MDN1: variants seen among roughly 807,000 people sequenced by gnomAD.
MDN1 encodes midasin.
MDN1 carries 266 observed loss-of-function variants against 669.2 expected under a neutral mutation model. The ratio of observed to expected loss-of-function variants is 0.40; its 90% CI spans 0.36 to 0.44. The LOEUF is 0.44. Among genes scored for constraint, MDN1 ranks in the 20% least tolerant of loss-of-function variants. The pLI is 1.00. For synonymous variants in MDN1, 2,385 were observed against 2,457.1 expected (o/e 0.97, Z 0.87); for missense variants, 5,940 against 6,754.0 (o/e 0.88, Z 4.22).
intron 2 of MDN1, among the ~76,000 whole-genome samples, chr6:89,803,032 C>T (rs1430442361): frequency 1.3e-5 from 2 of 152,106 alleles, no homozygotes; most frequent in Non-Finnish European, 2.9e-5. Context: ...TCATTTACTC[C>T]GCTGTATATG....
chr6:89,758,765 G>C, intron 18 of MDN1, 51 bp downstream of exon 18: 1 of 1,592,974 alleles, frequency 6.3e-7, no homozygotes, highest in Non-Finnish European at 8.6e-7. Flanking sequence ...TCACTCTAAA[G>C]TGGCCACAGG....
Position 89,674,047 on chromosome 6 carries a change from A to G in MDN1, c.13247+57T>C, listed in dbSNP as rs1250426990. On this transcript the variant is annotated intron_variant, in intron 79 of 101. Transcript: ENST00000369393. ...CCTTCCCTTCCCACCCCCAATTTAGATAAGCACAATAAGGACCTAAGCACA... is the reference window on the plus strand; with the variant it reads ...CCTTCCCTTCCCACCCCCAATTTAGGTAAGCACAATAAGGACCTAAGCACA... 4 of 1,551,800 alleles carry G rather than the reference A, an allele frequency of 2.6e-6. No individual in the cohort carries two copies. The African/African-American group carries it at 5.5e-5, about 21-fold the overall frequency.
chr6:89,761,571 A>G, intron 17 of MDN1, 74 bp downstream of exon 17: 1 of 1,125,402 alleles, frequency 8.9e-7, no homozygotes, highest in African/African-American at 1.6e-5. Flanking sequence ...ACAATACAAA[A>G]TAGTAACCTG....
rs761527770 is a variant in MDN1, at chr6:89,655,973, G to A, written c.15286-5C>T. The A allele has an allele frequency of 6.2e-7, 1 of 1,611,254 alleles. No homozygotes were observed. Among genetic ancestry groups the A allele is most frequent in the Admixed American group, 1.7e-5 (1 of 59,858 alleles). On this transcript the variant is annotated splice_polypyrimidine_tract_variant and splice_region_variant and intron_variant, in intron 91 of 101. Transcript: ENST00000369393. ...CCCAGGTTTCCTCTTAAAACTCTGA[G>A]AAATACAAGGAAATTCATCAGAGCC...
intron 78 of MDN1, 176 bp downstream of exon 78, chr6:89,675,288 A>G (rs1029635009): frequency 1.7e-6 from 1 of 590,634 alleles, no homozygotes; most frequent in Non-Finnish European, 3.0e-6. Context: ...CACTAGAGGC[A>G]TATCACTGAA....
Position 89,723,607 on chromosome 6 carries a change from G to T in MDN1, c.5683C>A (p.Pro1895Thr), listed in dbSNP as rs930161050. The change falls in exon 39 of 102, where the codon CCC becomes ACC. Residue 1895 changes from proline (P) to threonine (T), a missense_variant. By Grantham distance (38) the Pro-to-Thr change is conservative. Around this residue, in one of 5 missense-constraint regions of MDN1, gnomAD observed 2,292 missense variants for 2,638.3 expected, o/e 0.87. Transcript: ENST00000369393. ...LNRFTQVFVD[P>T]LTVIDMEFIA... ...AACTCCATGTCAATTACTGTAAGGG[G>T]ATCAACGAAGACCTAGAAATCCAAA... is the stretch of plus-strand genomic sequence containing the variant. 1.9e-6 allele frequency: 3 copies of T among 1,559,248 alleles called. No individual in the cohort carries two copies. Among genetic ancestry groups the T allele is most frequent in the Non-Finnish European group, 2.6e-6 (3 of 1,149,924 alleles).
intron 99 of MDN1, among the ~76,000 whole-genome samples, chr6:89,646,926 C>T (rs1012587598): frequency 6.6e-6 from 1 of 152,160 alleles, no homozygotes; most frequent in African/African-American, 2.4e-5. Flanking sequence ...ACTAGCACTA[C>T]AGGTATGTGC....
chr6:89,794,912 T>C, intron 2 of MDN1, 111 bp from the exon 3 acceptor site: 1 of 867,562 alleles, frequency 1.2e-6, no homozygotes, highest in Non-Finnish European at 1.8e-6. Flanking sequence ...CTTAAGCTAT[T>C]TTCAAAAAGG....
chr6:89,750,621 G>A, intron 23 of MDN1, 89 bp from the exon 24 acceptor site: 1 of 1,307,980 alleles, frequency 7.6e-7, no homozygotes, highest in South Asian at 1.4e-5. Flanking sequence ...TGTTTTGTTT[G>A]ACAAAGGGTT....
intron 83 of MDN1, among the ~76,000 whole-genome samples, chr6:89,669,255 C>T (rs186339542): frequency 9.2e-5 from 14 of 152,300 alleles, no homozygotes; most frequent in East Asian, 7.7e-4. Flanking sequence ...TCAAGGCACC[C>T]GAACCACACA....
In MDN1 at chr6:89,658,901, C is replaced by A. The variant is rs765650000; in HGVS notation, c.14730G>T (p.Glu4910Asp). 6.2e-6 allele frequency: 10 copies of A among 1,611,926 alleles called. No individual in the cohort carries two copies. The East Asian group carries it at 2.0e-4, about 32-fold the overall frequency. ...CTGCTTCTTCTGGTTTTTCTTTTAT[C>A]TCCAAAGGATTCTCTTCTGTATAGA... ...NEEGEEENPL[E>D]IKEKPEEAGH... Residue 4910 changes from glutamate to aspartate, a missense_variant, in exon 89 of 102, where the codon GAG becomes GAT. Glu to Asp is a conservative substitution (Grantham distance 45). This residue lies in a region of MDN1 where 2,280 missense variants were observed against 2,576.3 expected (regional missense o/e 0.88). Coordinates refer to ENST00000369393, the MANE Select transcript of MDN1 (RefSeq NM_014611.3).
In MDN1 at chr6:89,696,450, A is replaced by G; in HGVS notation, c.9293T>C (p.Leu3098Pro). The G allele has an allele frequency of 6.2e-7, 1 of 1,614,036 alleles. No individual in the cohort carries two copies. Among genetic ancestry groups the G allele is most frequent in the Non-Finnish European group, 8.5e-7 (1 of 1,179,924 alleles). ...CTGAGTTCTCTCAACCCACTCTCCT[A>G]GGGTCACGTGAGAGGAGGAAAGAAT... Reference protein sequence around the residue: ...LPILSSSHVTLGEWVERTQQL... With the variant: ...LPILSSSHVTPGEWVERTQQL... The change falls in exon 60 of 102, where the codon CTA becomes CCA. Residue 3098 changes from leucine (L) to proline (P), a missense_variant. Leu to Pro is a moderately conservative substitution (Grantham distance 98). Around this residue, in one of 5 missense-constraint regions of MDN1, gnomAD observed 2,292 missense variants for 2,638.3 expected, o/e 0.87. Transcript: ENST00000369393.
Position 89,730,901 on chromosome 6 carries a change from A to C in MDN1, c.4965T>G (p.Gly1655=), listed in dbSNP as rs750119895. The C allele has an allele frequency of 6.2e-7, 1 of 1,614,020 alleles. No individual in the cohort carries two copies. The highest frequency in any genetic ancestry group is 8.5e-7 in the Non-Finnish European group (1 of 1,179,938). The change falls in exon 35 of 102, where the codon GGT becomes GGG. Residue 1655 remains glycine, a synonymous_variant. Coordinates refer to ENST00000369393, the MANE Select transcript of MDN1 (RefSeq NM_014611.3). ...IGSGVTSSGF[G]TALLARKECL... is the part of the protein sequence containing the mutation. ...ATTCTTTTCGTGCCAAAAGGGCTGT[A>C]CCAAACCCAGAGGAAGTTACCCCTA...
chr6:89,753,463 T>C (rs1817065739), intron 22 of MDN1, 49 bp downstream of exon 22: 1 of 1,373,680 alleles, frequency 7.3e-7, no homozygotes, highest in African/African-American at 1.5e-5. Context: ...GAAAATTTGG[T>C]AATTCAGCCT....
chr6:89,731,801 C>T (rs34357923), intron 34 of MDN1, among the ~76,000 whole-genome samples: 10 of 17,984 alleles, frequency 5.6e-4, no homozygotes, highest in African/African-American at 1.6e-3. Flanking sequence ...TAGTACCGCC[C>T]CCCCCCCCCA....
At chr6:89,781,687 T>C in intron 9 of MDN1, 95 bp from the exon 10 acceptor site, 1 of 1,105,158 alleles carries the variant, frequency 9.0e-7, no homozygotes, top group South Asian at 1.6e-5. Flanking sequence ...CCAAAAATTG[T>C]ATTTCTCTAT....
intron 89 of MDN1, 118 bp from the exon 90 acceptor site, chr6:89,658,488 G>C: frequency 1.3e-6 from 2 of 1,531,020 alleles, no homozygotes; most frequent in Non-Finnish European, 1.8e-6. Flanking sequence ...CAGAAACCTA[G>C]AACTCCTCGG....
intron 2 of MDN1, among the ~76,000 whole-genome samples, chr6:89,798,921 T>C (rs1204441219): frequency 1.3e-5 from 2 of 152,206 alleles, no homozygotes; most frequent in Non-Finnish European, 2.9e-5. Context: ...TATTTGAATA[T>C]ATCACTTCTG....
chr6:89,774,505 C>A (rs1347387390), intron 13 of MDN1, 116 bp downstream of exon 13: 2 of 726,108 alleles, frequency 2.8e-6, no homozygotes, highest in Admixed American at 4.5e-5. Context: ...ATATAGCATA[C>A]TACAGATATC....
Sources: allele counts gnomAD v4.1 joint callset (sites outside exome capture counted in the v4.1 genomes callset), GRCh38; gene constraint gnomAD v4.1.1; regional missense constraint gnomAD v4.1.1; transcripts MANE v1.5; gene names NCBI Gene and HGNC (gene_info 2026-07-23, HGNC 2026-07-21).